Variants in CCM2L observed in about 807,000 individuals in gnomAD.
CCM2L encodes CCM2 like scaffold protein, also known as cerebral cavernous malformations 2 protein-like.
Under a neutral mutation model 54.1 loss-of-function variants are expected in CCM2L, and 36 were observed. The ratio of observed to expected loss-of-function variants is 0.67; its 90% CI spans 0.51 to 0.88. The LOEUF (loss-of-function observed/expected upper bound fraction) is 0.88. Ranked by LOEUF, CCM2L falls within the 40% of genes least tolerant of loss-of-function variation. The pLI, the probability that CCM2L is intolerant of heterozygous loss-of-function variation, is 0.00. For missense variants in CCM2L, 700 were observed against 812.1 expected (o/e 0.86, Z 1.68); for synonymous variants, 351 against 359.3 (o/e 0.98, Z 0.26).
chr20:32,013,704 C>A (rs1286512669), intron 1 of CCM2L, among the ~76,000 whole-genome samples: 1 of 152,146 alleles, frequency 6.6e-6, no homozygotes, highest in Non-Finnish European at 1.5e-5. Context: ...CCTGCCTCAG[C>A]CTCCCAAAGT....
chr20:32,018,882 CGGGGCGGG>C, intron 4 of CCM2L, 53 bp from the exon 5 acceptor site: 2 of 1,238,550 alleles, frequency 1.6e-6, no homozygotes, highest in Non-Finnish European at 2.0e-6. Flanking sequence ...CCGGCCTCGG[CGGGGCGGG>C]GGGGTCTCTG....
chr20:32,031,231 G>GC lies in CCM2L; in HGVS notation c.1638dup (p.Asp547ArgfsTer2), dbSNP rs764167579. The stretch of plus-strand genomic sequence containing the variant: ...CATCACGCACGACATCGAGGCGCTG[G>GC]CCCCCGATGACGACGACGACGACGA... On this transcript the variant is annotated frameshift_variant, in exon 10 of 10. Transcript: ENST00000452892. LOFTEE classifies it low-confidence loss of function (END_TRUNC). 56 of 1,299,350 alleles carry GC rather than the reference G, an allele frequency of 4.3e-5. 1 individual carries two copies. The South Asian group carries it at 6.9e-4, about 16-fold the overall frequency. The allele number at this position is 1,299,350 out of a possible 1,614,324, so 80.5% of individuals were successfully genotyped here. A position where few individuals can be genotyped will look rare whatever the true frequency, so the allele number is the denominator to read the frequency against.
intron 5 of CCM2L, among the ~76,000 whole-genome samples, chr20:32,020,301 C>G (rs2064791714): frequency 6.6e-6 from 1 of 152,222 alleles, no homozygotes; most frequent in African/African-American, 2.4e-5. Context: ...GACACCACAG[C>G]TGTCTCTCTC....
In CCM2L at chr20:32,014,970, A is replaced by G; in HGVS notation, c.97A>G (p.Ser33Gly). 6.3e-7 allele frequency: 1 copy of G among 1,598,462 alleles called. No homozygotes were observed. Among genetic ancestry groups the G allele is most frequent in the Non-Finnish European group, 8.5e-7 (1 of 1,172,926 alleles). The change falls in exon 2 of 10, where the codon AGC (serine) becomes GGC (glycine). Residue 33 changes from serine (S) to glycine (G), a missense_variant. Coordinates refer to ENST00000452892, the MANE Select transcript of CCM2L (RefSeq NM_001365692.1). Reference protein sequence around the residue: ...KAGRRAACRSSVSRRPLHSMP... With the variant: ...KAGRRAACRSGVSRRPLHSMP... Reference sequence around the variant, plus strand: ...CGGGCGCCGGGCAGCCTGTAGGAGCAGCGTGAGCCGCCGGCCCCTGCACTC... The same window carrying G: ...CGGGCGCCGGGCAGCCTGTAGGAGCGGCGTGAGCCGCCGGCCCCTGCACTC...
At chr20:32,022,450 A>G (rs2064813327) in intron 5 of CCM2L, among the ~76,000 whole-genome samples, 1 of 152,224 alleles carries the variant, frequency 6.6e-6, no homozygotes, top group Admixed American at 6.5e-5. Flanking sequence ...TTCATGGCAC[A>G]AGAGTTAGAG....
rs752827942 is a variant in CCM2L, at chr20:32,029,721, CT to C, written c.1286del (p.Leu429ProfsTer27). The C allele has an allele frequency of 2.3e-5, 37 of 1,611,994 alleles. No homozygotes were observed. The highest frequency in any genetic ancestry group is 1.7e-5 in the Non-Finnish European group (20 of 1,178,908). On this transcript the variant is annotated frameshift_variant, in exon 9 of 10. Coordinates refer to ENST00000452892, the MANE Select transcript of CCM2L (RefSeq NM_001365692.1). LOFTEE classifies it high-confidence loss of function. ...ATAGTTGCGGAGTAAGCTGGGGCCC[CT>C]CGAGATCCAGCAGTTTGCGATGCTG... ...MVTLRSKLGPLEIQQFAMLLR... is the reference protein window; with the variant it reads ...MVTLRSKLGPXEIQQFAMLLR...
At chr20:32,022,878 T>C (rs2064818978) in intron 6 of CCM2L, 83 bp downstream of exon 6, 1 of 1,507,006 alleles carries the variant, frequency 6.6e-7, no homozygotes, top group Non-Finnish European at 9.0e-7. Context: ...GGACTTGGGC[T>C]GATGAAGGTA....
chr20:32,021,771 C>CCTG (rs1234714640), intron 5 of CCM2L, among the ~76,000 whole-genome samples: 1 of 152,144 alleles, frequency 6.6e-6, no homozygotes, highest in African/African-American at 2.4e-5. Context: ...ATGCCATGAA[C>CCTG]CTGCTGTGTG....
chr20:32,021,031 G>A (rs1264511771), intron 5 of CCM2L, among the ~76,000 whole-genome samples: 1 of 151,932 alleles, frequency 6.6e-6, no homozygotes, highest in Admixed American at 6.6e-5. Flanking sequence ...ACCCACCCAG[G>A]TCCATGCCCC....
At chr20:32,029,614 C>T in intron 8 of CCM2L, 86 bp from the exon 9 acceptor site, 2 of 1,485,242 alleles carry the variant, frequency 1.3e-6, no homozygotes, top group Non-Finnish European at 1.8e-6. Context: ...ACCAAACATG[C>T]CCTTAGGGAA....
At position 32,028,959 on chromosome 20, in the gene CCM2L, G is replaced by A. The variant is rs577010007; in HGVS notation, c.1134-36G>A. 5 of 1,612,240 alleles carry A rather than the reference G, an allele frequency of 3.1e-6. No individual in the cohort carries two copies. In the African/African-American group the frequency reaches 4.0e-5, roughly 13 times the overall value. On this transcript the variant is annotated intron_variant, in intron 7 of 9. Coordinates refer to ENST00000452892, the MANE Select transcript of CCM2L (RefSeq NM_001365692.1). ...CCTGCCTGAGGGCCAGGAGCTGGAGGGAGGCGAGTGAAGGCCCTTCTTCCC... is the reference window on the plus strand; with the variant it reads ...CCTGCCTGAGGGCCAGGAGCTGGAGAGAGGCGAGTGAAGGCCCTTCTTCCC...
intron 7 of CCM2L, chr20:32,027,608 C>A (rs984174204): frequency 1.3e-5 from 2 of 152,162 alleles, no homozygotes; most frequent in Non-Finnish European, 1.5e-5. Context: ...CAAGGTCAAG[C>A]ACCTAGTAAG....
chr20:32,019,465 G>T (rs1003512570), intron 5 of CCM2L, 56 bp downstream of exon 5: 1 of 1,075,274 alleles, frequency 9.3e-7, no homozygotes, highest in Non-Finnish European at 1.2e-6. Context: ...CTGCTTCCCC[G>T]CCCCCACCTT....
At chr20:32,011,371 G>A (rs773892708) in intron 1 of CCM2L, among the ~76,000 whole-genome samples, 9 of 152,112 alleles carry the variant, frequency 5.9e-5, no homozygotes, top group Admixed American at 1.3e-4. Flanking sequence ...TTGGGAGGCC[G>A]AGGCGGGTGG....
At chr20:32,016,660 A>T (rs933584244) in intron 2 of CCM2L, among the ~76,000 whole-genome samples, 9 of 152,194 alleles carry the variant, frequency 5.9e-5, no homozygotes, top group South Asian at 2.1e-4. Context: ...CAGCCCCCCC[A>T]CGCCCGCCAA....
Position 32,029,727 on chromosome 20 carries a change from A to G in CCM2L, c.1291A>G (p.Ile431Val), listed in dbSNP as rs2064901751. Residue 431 changes from isoleucine to valine, a missense_variant, in exon 9 of 10, where the codon ATC becomes GTC. Physicochemically the swap from Ile to Val is conservative, Grantham distance 29. Coordinates refer to ENST00000452892, the MANE Select transcript of CCM2L (RefSeq NM_001365692.1). ...GCGGAGTAAGCTGGGGCCCCTCGAGATCCAGCAGTTTGCGATGCTGCTGCG... is the reference window on the plus strand; with the variant it reads ...GCGGAGTAAGCTGGGGCCCCTCGAGGTCCAGCAGTTTGCGATGCTGCTGCG... ...TLRSKLGPLE[I>V]QQFAMLLREY... The G allele has an allele frequency of 1.2e-6, 2 of 1,612,332 alleles. No homozygotes were observed. Among genetic ancestry groups the G allele is most frequent in the Non-Finnish European group, 1.7e-6 (2 of 1,179,170 alleles).
Position 32,018,042 on chromosome 20 carries a change from C to CGCTGCCT in CCM2L, c.352_358dup (p.Leu120ProfsTer9). 6.2e-7 allele frequency: 1 copy of CGCTGCCT among 1,613,824 alleles called. No homozygotes were observed. The highest frequency in any genetic ancestry group is 8.5e-7 in the Non-Finnish European group (1 of 1,179,996). On this transcript the variant is annotated frameshift_variant, in exon 4 of 10. Transcript: ENST00000452892. LOFTEE classifies it high-confidence loss of function. ...GGACAGCATCCTGAGCCTGTCTGCCCGCTGCCTGCTGCTCACCTGGCGCGA... is the reference window on the plus strand; with the variant it reads ...GGACAGCATCCTGAGCCTGTCTGCCCGCTGCCTGCTGCCTGCTGCTCACCTGGCGCGA...
chr20:32,025,214 T>C (rs538205485), intron 6 of CCM2L, among the ~76,000 whole-genome samples: 1 of 151,724 alleles, frequency 6.6e-6, no homozygotes, highest in South Asian at 2.1e-4. Flanking sequence ...TCTTTCTTTT[T>C]TCCTTTCCTT....
intron 3 of CCM2L, 29 bp downstream of exon 3, chr20:32,017,912 G>A: frequency 6.2e-7 from 1 of 1,613,436 alleles, no homozygotes; most frequent in Non-Finnish European, 8.5e-7. Flanking sequence ...AGGAGGGCAG[G>A]ATCTCGCTCC....
Sources: allele counts gnomAD v4.1 joint callset (sites outside exome capture counted in the v4.1 genomes callset), GRCh38; gene constraint gnomAD v4.1.1; transcripts MANE v1.5; gene names NCBI Gene and HGNC (gene_info 2026-07-23, HGNC 2026-07-21).